TTN: variants seen among roughly 807,000 people sequenced by gnomAD.
TTN encodes the protein connectin.
Under a neutral mutation model 3,223.0 loss-of-function variants are expected in TTN, and 1,525 were observed. That is an observed-to-expected ratio of 0.47 (90% CI 0.45 to 0.49). The LOEUF is 0.49. Among genes scored for constraint, TTN ranks in the 20% least tolerant of loss-of-function variants. The probability of loss-of-function intolerance (pLI) is 0.00; values close to 1 mark genes in which losing one functional copy is unlikely to be tolerated. For missense variants in TTN, 40,786 were observed against 43,424.0 expected, an observed-to-expected ratio of 0.94 and a Z score of 5.40; for synonymous variants, 14,094 against 15,161.0, an observed-to-expected ratio of 0.93 and a Z score of 5.17.
intron 48 of TTN, 72 bp from the exon 49 acceptor site, chr2:178,738,432 T>C: frequency 6.7e-7 from 1 of 1,490,608 alleles, no homozygotes; most frequent in Non-Finnish European, 9.0e-7. Flanking sequence ...TTCTTCTAAC[T>C]TTTGTTGCTG....
Position 178,723,925 on chromosome 2 carries a change from C to A in TTN, c.21334G>T (p.Gly7112Cys). Residue 7112 changes from glycine (G) to cysteine (C), a missense_variant, in exon 73 of 363, where the codon GGC (glycine) becomes TGC (cysteine). Transcript: ENST00000589042. ...TTAGCAGCCACGCATGTGTAATTGC[C>A]CATATCTGAGGAATCCAGAGAATTC... Reference protein sequence around the residue: ...QLNSLDSSDMGNYTCVAANVA... With the variant: ...QLNSLDSSDMCNYTCVAANVA... The A allele has an allele frequency of 6.2e-7, 1 of 1,613,514 alleles. No homozygotes were observed. The highest frequency in any genetic ancestry group is 8.5e-7 in the Non-Finnish European group (1 of 1,179,584).
intron 5 of TTN, 25 bp downstream of exon 5, chr2:178,799,800 G>A (rs1332921126): frequency 1.2e-6 from 2 of 1,614,156 alleles, no homozygotes; most frequent in East Asian, 4.5e-5. Context: ...TGAAAGGCTT[G>A]AAAACCAACA....
intron 320 of TTN, 38 bp downstream of exon 320, chr2:178,578,768 G>T (rs1401352112): frequency 1.9e-6 from 3 of 1,604,136 alleles, no homozygotes; most frequent in South Asian, 1.1e-5. Flanking sequence ...CCTCAAAACC[G>T]TGTTTTGCTT....
intron 21 of TTN, among the ~76,000 whole-genome samples, 169 bp downstream of exon 21, chr2:178,780,952 T>C (rs1315302305): frequency 6.6e-6 from 1 of 152,188 alleles, no homozygotes; most frequent in African/African-American, 2.4e-5. Flanking sequence ...GACAGTATAG[T>C]TTTTGAGGCC....
At position 178,579,331 on chromosome 2, in the gene TTN, T is replaced by C. The variant is rs2047147885; in HGVS notation, c.67699A>G (p.Asn22567Asp). 2.5e-6 allele frequency: 4 copies of C among 1,607,074 alleles called. No individual in the cohort carries two copies. Among genetic ancestry groups the C allele is most frequent in the Non-Finnish European group, 3.4e-6 (4 of 1,176,258 alleles). ...DLCYLAKENS[N>D]FRLKIPIKGK... ...TTTATGGGGATCTTAAGCCGGAAGTTGCTGTTTTCTTTAGCCAAGTAGCAC... is the reference window on the plus strand; with the variant it reads ...TTTATGGGGATCTTAAGCCGGAAGTCGCTGTTTTCTTTAGCCAAGTAGCAC... Residue 22567 changes from asparagine to aspartate, a missense_variant, in exon 320 of 363, where the codon AAC becomes GAC. By Grantham distance (23) the Asn-to-Asp change is conservative (BLOSUM62 1). Coordinates refer to ENST00000589042, the MANE Select transcript of TTN (RefSeq NM_001267550.2).
rs2154261580 is a variant in TTN, at chr2:178,666,911, T to A, written c.35798-10A>T. ...TTGAAGACTTCAAACTCTTTAAAGA[T>A]ATTAGTATTTTTTTTAATTGAGAAA... On this transcript the variant is annotated splice_polypyrimidine_tract_variant and intron_variant, in intron 162 of 362. Coordinates refer to ENST00000589042, the MANE Select transcript of TTN (RefSeq NM_001267550.2). 6.6e-7 allele frequency: 1 copy of A among 1,522,498 alleles called. No homozygotes were observed. The highest frequency in any genetic ancestry group is 8.8e-7 in the Non-Finnish European group (1 of 1,138,090). The allele number at this position is 1,522,498 out of a possible 1,614,324, so 94.3% of individuals were successfully genotyped here.
At chr2:178,559,138 A>G (rs894796946) in intron 326 of TTN, among the ~76,000 whole-genome samples, 173 bp downstream of exon 326, 18 of 152,128 alleles carry the variant, frequency 1.2e-4, no homozygotes, top group Admixed American at 9.2e-4. Flanking sequence ...TTTTTAATCA[A>G]TGAAAGACTC....
intron 132 of TTN, 120 bp downstream of exon 132, chr2:178,684,210 T>TAACAAC (rs954696433): frequency 7.4e-7 from 1 of 1,355,490 alleles, no homozygotes; most frequent in African/African-American, 1.5e-5. Context: ...ACAACAACTG[T>TAACAAC]AACAACAACA....
In TTN at chr2:178,778,905, T is replaced by G. The variant is rs16866531; in HGVS notation, c.4177A>C (p.Ile1393Leu). Residue 1393 changes from isoleucine to leucine, a missense_variant, in exon 24 of 363, where the codon ATT (isoleucine) becomes CTT (leucine). Ile to Leu is a conservative substitution (Grantham distance 5, BLOSUM62 2). Transcript: ENST00000589042. ...CTGCTCACTGGCTCTAGTGTGGGAATGTAAGTCGGAGCTCCAAGTGGTGCA... is the reference window on the plus strand; with the variant it reads ...CTGCTCACTGGCTCTAGTGTGGGAAGGTAAGTCGGAGCTCCAAGTGGTGCA... ...PAAPLGAPTY[I>L]PTLEPVSRIR... 6.2e-7 allele frequency: 1 copy of G among 1,613,820 alleles called. No individual in the cohort carries two copies. Among genetic ancestry groups the G allele is most frequent in the African/African-American group, 1.3e-5 (1 of 74,902 alleles).
intron 147 of TTN, 79 bp from the exon 148 acceptor site, chr2:178,676,074 A>G: frequency 1.5e-6 from 2 of 1,341,180 alleles, no homozygotes; most frequent in South Asian, 2.6e-5. Context: ...CACACCCAGA[A>G]AGACCAATGT....
chr2:178,737,703 G>A (rs941840561), intron 49 of TTN, among the ~76,000 whole-genome samples: 3 of 152,078 alleles, frequency 2.0e-5, no homozygotes, highest in African/African-American at 4.8e-5. Context: ...CTTAGACACT[G>A]ACTTTTTTAA....
At chr2:178,781,320 AAAT>A (rs2092740449) in intron 20 of TTN, 57 bp from the exon 21 acceptor site, 1 of 1,596,418 alleles carries the variant, frequency 6.3e-7, no homozygotes, top group African/African-American at 1.3e-5. Flanking sequence ...TCTGTGGGTA[AAAT>A]AATTGGACTT....
chr2:178,639,421 C>T (rs535778000), intron 223 of TTN, among the ~76,000 whole-genome samples: 1 of 151,980 alleles, frequency 6.6e-6, no homozygotes, highest in South Asian at 2.1e-4. Context: ...TTTTATCAGC[C>T]CCAAACATAT....
At position 178,602,359 on chromosome 2, in the gene TTN, C is replaced by T; in HGVS notation, c.55043G>A (p.Arg18348Lys). 6 of 1,612,922 alleles carry T rather than the reference C, an allele frequency of 3.7e-6. No homozygotes were observed. The highest frequency in any genetic ancestry group is 4.2e-6 in the Non-Finnish European group (5 of 1,179,322). ...ACCAGCTTCATTGACAGCTTTCACT[C>T]TGAATCTGTACTTCCTGAGCTCTTT... ...NLKELRKYRF[R>K]VKAVNEAGES... Residue 18348 changes from arginine (R) to lysine (K), a missense_variant, in exon 283 of 363, where the codon AGA becomes AAA. Physicochemically the swap from Arg to Lys is conservative, Grantham distance 26 (BLOSUM62 2). Transcript: ENST00000589042.
rs760045336 is a variant in TTN, at chr2:178,572,178, T to A, written c.73954A>T (p.Ile24652Phe). The part of the protein sequence containing the change: ...HDGGSRILGY[I>F]VEMQTKGSDK... ...CTGCCTTTGGTCTGCATCTCCACAA[T>A]GTAGCCTAGAATTCGGCTGCCTCCA... is the stretch of plus-strand genomic sequence containing the variant. Residue 24652 changes from isoleucine to phenylalanine, a missense_variant, in exon 326 of 363, where the codon ATT becomes TTT. By Grantham distance (21) the Ile-to-Phe change is conservative (BLOSUM62 0). Transcript: ENST00000589042. The A allele has an allele frequency of 2.5e-6, 4 of 1,613,332 alleles. No homozygotes were observed. The highest frequency in any genetic ancestry group is 2.7e-5 in the African/African-American group (2 of 74,902).
rs201565932 is a variant in TTN at position 178,740,686 on chromosome 2, T to C, written c.12547A>G (p.Lys4183Glu). The change falls in exon 48 of 363, where the codon AAA (lysine) becomes GAA (glutamate). Residue 4183 changes from lysine (K) to glutamate (E), a missense_variant. Transcript: ENST00000589042. ...ATGGACATGGCACTTGGGAAGATTT[T>C]CTCGGTATCTGATAGAACTGCCTGT... ...ETQAVLSDTEKIFPSAMSIEQ... is the reference protein window; with the variant it reads ...ETQAVLSDTEEIFPSAMSIEQ... The C allele has an allele frequency of 7.9e-5, 127 of 1,613,766 alleles. No individual in the cohort carries two copies. The highest frequency in any genetic ancestry group is 1.0e-4 in the Non-Finnish European group (118 of 1,179,824).
chr2:178,568,746 T>C lies in TTN; in HGVS notation c.77386A>G (p.Ile25796Val). 6.2e-7 allele frequency: 1 copy of C among 1,613,058 alleles called. No homozygotes were observed. The highest frequency in any genetic ancestry group is 8.5e-7 in the Non-Finnish European group (1 of 1,179,394). The change falls in exon 326 of 363, where the codon ATT becomes GTT. Residue 25796 changes from isoleucine to valine, a missense_variant. Coordinates refer to ENST00000589042, the MANE Select transcript of TTN (RefSeq NM_001267550.2). Reference sequence around the variant, plus strand: ...AATGCAGGTTTTACATCTGGCTCAATTACCAGATCTTTGGCAACTATTGGA... The same window carrying C: ...AATGCAGGTTTTACATCTGGCTCAACTACCAGATCTTTGGCAACTATTGGA... ...AVPIVAKDLV[I>V]EPDVKPAFSS...
At chr2:178,801,524 C>T (rs3769859) in intron 3 of TTN, among the ~76,000 whole-genome samples, 5,592 of 152,180 alleles carry the variant, frequency 0.037, 212 homozygotes, top group East Asian at 0.13. Flanking sequence ...TTACGTAGCT[C>T]ATGTAAGATA....
intron 149 of TTN, 24 bp from the exon 150 acceptor site, chr2:178,675,137 G>T (rs1306541270): frequency 6.7e-7 from 1 of 1,490,136 alleles, no homozygotes; most frequent in South Asian, 1.3e-5. Context: ...GATTATTTTA[G>T]ACACTTAAAA....
Sources: gnomAD v4.1 joint callset for allele counts (sites outside exome capture counted in the v4.1 genomes callset) on GRCh38, gnomAD v4.1.1 for gene constraint, MANE v1.5 for transcripts, NCBI Gene and HGNC (gene_info 2026-07-23, HGNC 2026-07-21) for gene names.